The following GOLM2 variants were observed in gnomAD, a reference collection of about 807,000 sequenced individuals.
GOLM2 encodes protein GOLM2.
A neutral mutation model predicts 55.9 loss-of-function variants in GOLM2; 26 were observed. The ratio of observed to expected loss-of-function variants is 0.47; its 90% CI spans 0.34 to 0.65. The LOEUF (loss-of-function observed/expected upper bound fraction) is 0.65. Ranked by LOEUF, GOLM2 falls within the 30% of genes least tolerant of loss-of-function variation. The pLI is 0.01. For synonymous variants in GOLM2, 165 were observed against 194.6 expected (o/e 0.85, Z 1.27); for missense variants, 486 against 531.8 (o/e 0.91, Z 0.85).
chr15:44,401,439 A>G (rs867669807), intron 8 of GOLM2, among the ~76,000 whole-genome samples: 2 of 152,048 alleles, frequency 1.3e-5, no homozygotes, highest in Middle Eastern at 3.4e-3. Flanking sequence ...TAATTTTTGT[A>G]TTTTTTGTAG....
At chr15:44,406,674 C>G (rs2079599336) in intron 9 of GOLM2, 1 of 152,158 alleles carries the variant, frequency 6.6e-6, no homozygotes, top group Admixed American at 6.6e-5. Context: ...TTTATTGCCA[C>G]TATTGTGACT....
chr15:44,369,007 GC>G (rs1330736363), intron 6 of GOLM2, among the ~76,000 whole-genome samples: 2 of 138,672 alleles, frequency 1.4e-5, no homozygotes, highest in East Asian at 4.2e-4. Flanking sequence ...GGAGGAGCCT[GC>G]GTTAGGGTTC....
chr15:44,309,274 TTCTGAGCATATA>T (rs1298117435), intron 1 of GOLM2, among the ~76,000 whole-genome samples: 1 of 152,136 alleles, frequency 6.6e-6, no homozygotes, highest in African/African-American at 2.4e-5. Context: ...GCAATCCCAC[TTCTGAGCATATA>T]TTTAAAGGAA....
Position 44,415,394 on chromosome 15 carries a change from A to C in GOLM2, c.*1988A>C, listed in dbSNP as rs1480628135. 6.6e-6 allele frequency: 1 copy of C among 152,606 alleles called. No individual in the cohort carries two copies. Among genetic ancestry groups the C allele is most frequent in the Admixed American group, 6.6e-5 (1 of 15,264 alleles). The allele number at this position is 152,606 out of a possible 1,614,324, so 9.5% of individuals were successfully genotyped here. ...AAGCTTTACAAATGGAAACCATGCA[A>C]TTACCTGCCTTAGTTCTTTTGTCAT... is the stretch of plus-strand genomic sequence containing the variant. On this transcript the variant is annotated 3_prime_UTR_variant, in exon 10 of 10. Coordinates refer to ENST00000299957, the MANE Select transcript of GOLM2 (RefSeq NM_138423.4).
chr15:44,404,114 A>G (rs1251831652), intron 9 of GOLM2, among the ~76,000 whole-genome samples: 1 of 152,084 alleles, frequency 6.6e-6, no homozygotes, highest in Non-Finnish European at 1.5e-5. Context: ...TTGTGGAGCT[A>G]TTTCTCTTTT....
intron 1 of GOLM2, among the ~76,000 whole-genome samples, chr15:44,322,313 G>A (rs1567025138): frequency 1.3e-5 from 2 of 152,192 alleles, no homozygotes; most frequent in African/African-American, 4.8e-5. Context: ...GTTGCAGTGA[G>A]CTGAGATCGC....
intron 6 of GOLM2, among the ~76,000 whole-genome samples, chr15:44,371,631 T>C (rs540779643): frequency 7.9e-5 from 12 of 152,324 alleles, no homozygotes; most frequent in African/African-American, 2.4e-4. Flanking sequence ...TTCAGAATGA[T>C]TAATATTACT....
At chr15:44,306,957 GTCACAGA>G (rs1211365836) in intron 1 of GOLM2, among the ~76,000 whole-genome samples, 2 of 151,888 alleles carry the variant, frequency 1.3e-5, no homozygotes, top group African/African-American at 4.8e-5. Flanking sequence ...AATATTGAAG[GTCACAGA>G]TCACAGATCA....
chr15:44,365,740 T>A (rs1471896820), intron 6 of GOLM2, among the ~76,000 whole-genome samples: 1 of 152,056 alleles, frequency 6.6e-6, no homozygotes, highest in Admixed American at 6.5e-5. Flanking sequence ...GGCAGTGAAA[T>A]GCTCTGATAC....
At chr15:44,369,094 T>TAATAGG (rs2079309430) in intron 6 of GOLM2, among the ~76,000 whole-genome samples, 1 of 90,596 alleles carries the variant, frequency 1.1e-5, no homozygotes, top group Non-Finnish European at 2.3e-5. Flanking sequence ...TATATATATA[T>TAATAGG]ATATATATAT....
chr15:44,375,172 C>T (rs900473969), intron 6 of GOLM2, among the ~76,000 whole-genome samples: 12 of 152,030 alleles, frequency 7.9e-5, no homozygotes, highest in African/African-American at 2.9e-4. Flanking sequence ...AGGCACACAC[C>T]ATTATACCCG....
intron 6 of GOLM2, among the ~76,000 whole-genome samples, chr15:44,350,833 A>G (rs974016672): frequency 3.3e-5 from 5 of 152,234 alleles, no homozygotes; most frequent in African/African-American, 1.2e-4. Flanking sequence ...ACATGACTCA[A>G]TTAATGTGGT....
intron 1 of GOLM2, among the ~76,000 whole-genome samples, chr15:44,319,994 T>C (rs1453983987): frequency 6.6e-6 from 1 of 152,230 alleles, no homozygotes; most frequent in Non-Finnish European, 1.5e-5. Flanking sequence ...TCTAAAATGT[T>C]GAGCAACTAT....
chr15:44,330,111 C>G (rs1056410290), intron 3 of GOLM2, among the ~76,000 whole-genome samples: 2 of 148,442 alleles, frequency 1.3e-5, no homozygotes, highest in African/African-American at 5.0e-5. Context: ...GGGCTTTCAC[C>G]GTATTAGCCA....
At chr15:44,304,225 C>T in intron 1 of GOLM2, among the ~76,000 whole-genome samples, 1 of 141,148 alleles carries the variant, frequency 7.1e-6, no homozygotes, top group Non-Finnish European at 1.5e-5. Context: ...CTTCAGGCTC[C>T]ACTTCTTTTT....
In GOLM2 at chr15:44,413,897, G is replaced by T. The variant is rs1256763105; in HGVS notation, c.*491G>T. 1 of 149,532 alleles carries T rather than the reference G, an allele frequency of 6.7e-6. No individual in the cohort carries two copies. The highest frequency in any genetic ancestry group is 1.5e-5 in the Non-Finnish European group (1 of 67,812). The allele number at this position is 149,532 out of a possible 1,614,324, so 9.3% of individuals were successfully genotyped here. A position where few individuals can be genotyped will look rare whatever the true frequency, so the allele number is the denominator to read the frequency against. On this transcript the variant is annotated 3_prime_UTR_variant, in exon 10 of 10. Coordinates refer to ENST00000299957, the MANE Select transcript of GOLM2 (RefSeq NM_138423.4). ...ACAATCTTGGCTCACTGCAACCTCC[G>T]CCTCCTGGGTTCAGGCAATTTTCCT... is the stretch of plus-strand genomic sequence containing the variant.
intron 6 of GOLM2, among the ~76,000 whole-genome samples, chr15:44,372,593 T>C (rs149938353): frequency 1.0e-3 from 154 of 152,308 alleles, no homozygotes; most frequent in Non-Finnish European, 1.9e-3. Flanking sequence ...GTCTTATCTC[T>C]ACTGTCATGA....
At chr15:44,371,671 A>G (rs1041550873) in intron 6 of GOLM2, among the ~76,000 whole-genome samples, 15 of 152,216 alleles carry the variant, frequency 9.9e-5, no homozygotes, top group Non-Finnish European at 1.8e-4. Flanking sequence ...TTTATGGTCA[A>G]TTGCTGATCT....
At chr15:44,391,312 A>G (rs1291299612) in intron 8 of GOLM2, among the ~76,000 whole-genome samples, 1 of 151,988 alleles carries the variant, frequency 6.6e-6, no homozygotes, top group Non-Finnish European at 1.5e-5. Flanking sequence ...CGGGAGATCG[A>G]GACCATCCTG....
Sources: allele counts gnomAD v4.1 joint callset (sites outside exome capture counted in the v4.1 genomes callset), GRCh38; gene constraint gnomAD v4.1.1; transcripts MANE v1.5; gene names NCBI Gene and HGNC (gene_info 2026-07-23, HGNC 2026-07-21).